The following PCDH9 variants were observed in gnomAD, a reference collection of about 807,000 sequenced individuals.
The protein encoded by PCDH9 is protocadherin-9.
In PCDH9, 24 loss-of-function variants were observed where a neutral mutation model predicts 70.6. That is an observed-to-expected ratio of 0.34 (90% CI 0.25 to 0.48). The LOEUF is 0.48. Among genes scored for constraint, PCDH9 ranks in the 20% least tolerant of loss-of-function variants. PCDH9 has a pLI of 0.99. For synonymous variants in PCDH9, 562 were observed against 558.5 expected, an observed-to-expected ratio of 1.01 and a Z score of -0.09; for missense variants, 1,281 against 1,503.6, an observed-to-expected ratio of 0.85 and a Z score of 2.45.
At chr13:66,424,153 A>G (rs1051275583) in intron 4 of PCDH9, among the ~76,000 whole-genome samples, 2 of 152,122 alleles carry the variant, frequency 1.3e-5, no homozygotes, top group African/African-American at 4.8e-5. Context: ...AAAACTACAA[A>G]CCACTGCTCA....
chr13:67,220,410 A>T (rs1442832429), intron 2 of PCDH9: 1 of 152,022 alleles, frequency 6.6e-6, no homozygotes, highest in African/African-American at 2.4e-5. Context: ...ATTTGATTTT[A>T]GATTTGAGGC....
At chr13:67,104,552 A>AT (rs879501757) in intron 2 of PCDH9, among the ~76,000 whole-genome samples, 489 of 146,100 alleles carry the variant, frequency 3.3e-3, no homozygotes, top group East Asian at 0.011. Flanking sequence ...TTGTTATACA[A>AT]TTTTTTTTTT....
intron 3 of PCDH9, among the ~76,000 whole-genome samples, chr13:66,725,455 C>T (rs1206645445): frequency 6.6e-6 from 1 of 152,108 alleles, no homozygotes; most frequent in Non-Finnish European, 1.5e-5. Flanking sequence ...GAATGACAAG[C>T]TTTTAATTTT....
rs564749831 is a variant in PCDH9 at position 66,765,056 on chromosome 13, C to G, written c.3139-133645G>C. Among the ~76,000 whole-genome samples, 5 of 138,652 alleles carry G rather than the reference C, an allele frequency of 3.6e-5. No individual in the cohort carries two copies. In the Admixed American group the frequency reaches 3.9e-4, roughly 11 times the overall value. The allele number at this position is 138,652 out of a possible 152,430, so 91.0% of individuals were successfully genotyped here. ...TCTCTCTTTCTGTGTCTTTGTCTCT[C>G]TCTGTCTGTCTCTGCCTCTGTCTGT... On this transcript the variant is annotated intron_variant, in intron 3 of 4. Coordinates refer to ENST00000377865, the MANE Select transcript of PCDH9 (RefSeq NM_203487.3).
chr13:66,716,146 TA>T (rs2078863577), intron 3 of PCDH9, among the ~76,000 whole-genome samples: 1 of 152,230 alleles, frequency 6.6e-6, no homozygotes, highest in Admixed American at 6.5e-5. Context: ...TGATTGTTTT[TA>T]AAATTTCAAA....
chr13:66,685,498 G>A (rs942648159), intron 3 of PCDH9, among the ~76,000 whole-genome samples: 1 of 152,194 alleles, frequency 6.6e-6, no homozygotes, highest in Non-Finnish European at 1.5e-5. Context: ...TGCTAGGGCA[G>A]AGCAGAAGGA....
chr13:66,614,157 C>T (rs1226294594), intron 4 of PCDH9, among the ~76,000 whole-genome samples: 3 of 152,020 alleles, frequency 2.0e-5, no homozygotes, highest in Admixed American at 6.5e-5. Flanking sequence ...GGAGTAAGAA[C>T]AGTAAAATGT....
rs370902186 is a variant in PCDH9, at chr13:67,177,127, A to C, written c.3036+48278T>G. Among the ~76,000 whole-genome samples the C allele has an allele frequency of 4.6e-5, 7 of 152,286 alleles. No homozygotes were observed. The East Asian group carries it at 1.3e-3, about 29-fold the overall frequency. ...AAGTACCTTAATTATTTCTATGACT[A>C]CTTAGAAATAATACAAGATTTCTAA... On this transcript the variant is annotated intron_variant, in intron 2 of 4. Transcript: ENST00000377865.
intron 2 of PCDH9, among the ~76,000 whole-genome samples, chr13:67,117,416 A>G (rs2086799337): frequency 6.6e-6 from 1 of 152,110 alleles, no homozygotes; most frequent in Non-Finnish European, 1.5e-5. Flanking sequence ...TCCAAGTGGA[A>G]GTAAGGGAGG....
chr13:67,038,151 A>C (rs1362121658), intron 2 of PCDH9, among the ~76,000 whole-genome samples: 2 of 152,222 alleles, frequency 1.3e-5, no homozygotes, highest in Non-Finnish European at 2.9e-5. Context: ...ACAGTTCATA[A>C]GTAAAAGATG....
chr13:67,148,491 T>C (rs1434692316), intron 2 of PCDH9, among the ~76,000 whole-genome samples: 1 of 152,164 alleles, frequency 6.6e-6, no homozygotes, highest in Non-Finnish European at 1.5e-5. Flanking sequence ...TTTCTTGTTA[T>C]ATGCAATAAC....
intron 2 of PCDH9, among the ~76,000 whole-genome samples, chr13:67,032,692 A>T (rs1178549852): frequency 6.6e-6 from 1 of 152,160 alleles, no homozygotes; most frequent in Non-Finnish European, 1.5e-5. Flanking sequence ...ATTTATTTTG[A>T]ATTATAACCA....
chr13:67,089,662 C>T lies in PCDH9; in HGVS notation c.3036+135743G>A, dbSNP rs190889515. On this transcript the variant is annotated intron_variant, in intron 2 of 4. Transcript: ENST00000377865. ...TGTAAGTATTTAGCTATATGTTATA[C>T]TTAAAATTATTTTAAATACACAAGG... Among the ~76,000 whole-genome samples the T allele has an allele frequency of 2.4e-4, 36 of 152,072 alleles. No homozygotes were observed. In the East Asian group the frequency reaches 6.6e-3, roughly 28 times the overall value.
At chr13:66,672,603 T>C (rs1378725661) in intron 3 of PCDH9, among the ~76,000 whole-genome samples, 2 of 152,270 alleles carry the variant, frequency 1.3e-5, no homozygotes, top group East Asian at 3.9e-4. Context: ...GCTTGCACCA[T>C]GTGCCTGGAA....
intron 4 of PCDH9, among the ~76,000 whole-genome samples, chr13:66,433,946 G>A (rs910522387): frequency 6.6e-6 from 1 of 151,678 alleles, no homozygotes; most frequent in African/African-American, 2.4e-5. Flanking sequence ...GAATAATTTT[G>A]CTTGAAACCA....
At chr13:66,644,268 T>A (rs1039890796) in intron 3 of PCDH9, among the ~76,000 whole-genome samples, 5 of 151,956 alleles carry the variant, frequency 3.3e-5, no homozygotes, top group African/African-American at 4.8e-5. Context: ...ACATTAACTA[T>A]GAATTTTATT....
rs78291975 is a variant in PCDH9, at chr13:67,094,659, C to A, written c.3036+130746G>T. ...GAAGGACTTCTGACATTCCCAGATT[C>A]TTCTTCTTTTTTTTTTTTTCGGTCT... On this transcript the variant is annotated intron_variant, in intron 2 of 4. Coordinates refer to ENST00000377865, the MANE Select transcript of PCDH9 (RefSeq NM_203487.3). Among the ~76,000 whole-genome samples, 40 of 146,616 alleles carry A rather than the reference C, an allele frequency of 2.7e-4. No homozygotes were observed. In the East Asian group the frequency reaches 4.1e-3, roughly 15 times the overall value.
chr13:66,435,361 A>G (rs1957848965), intron 4 of PCDH9, among the ~76,000 whole-genome samples: 1 of 152,152 alleles, frequency 6.6e-6, no homozygotes. Context: ...TTACGACATT[A>G]TCTAGAGCAT....
intron 2 of PCDH9, among the ~76,000 whole-genome samples, chr13:67,150,315 G>A (rs1377781750): frequency 2.0e-5 from 3 of 152,142 alleles, no homozygotes; most frequent in African/African-American, 7.2e-5. Context: ...GGGATTACAG[G>A]CATGAGCCAC....
Sources: allele counts gnomAD v4.1 joint callset (sites outside exome capture counted in the v4.1 genomes callset), GRCh38; gene constraint gnomAD v4.1.1; transcripts MANE v1.5; gene names NCBI Gene and HGNC (gene_info 2026-07-23, HGNC 2026-07-21).